The following ATL2 variants were observed in gnomAD, a reference collection of about 807,000 sequenced individuals.
The protein encoded by ATL2 is atlastin GTPase 2, also known as atlastin-2.
ATL2 carries 31 observed loss-of-function variants against 73.9 expected under a neutral mutation model. The ratio of observed to expected loss-of-function variants is 0.42; its 90% confidence interval spans 0.32 to 0.57. The LOEUF (loss-of-function observed/expected upper bound fraction) is 0.57. Ranked by LOEUF, ATL2 falls within the 20% of genes least tolerant of loss-of-function variation. The pLI is 0.14. For synonymous variants in ATL2, 291 were observed against 237.5 expected (o/e 1.23, Z -2.07); for missense variants, 738 against 702.6 (o/e 1.05, Z -0.57).
At chr2:38,363,392 T>C (rs1671123854) in intron 1 of ATL2, among the ~76,000 whole-genome samples, 1 of 150,668 alleles carries the variant, frequency 6.6e-6, no homozygotes, top group African/African-American at 2.4e-5. Context: ...TTATTTATCA[T>C]CTTTATAACA....
intron 7 of ATL2, among the ~76,000 whole-genome samples, chr2:38,310,978 TG>T (rs1389120337): frequency 2.6e-5 from 4 of 152,140 alleles, no homozygotes; most frequent in African/African-American, 9.7e-5. Flanking sequence ...GTAAGCTGCC[TG>T]GAACAGCAAA....
chr2:38,302,369 G>A (rs892863953), intron 9 of ATL2, among the ~76,000 whole-genome samples: 4 of 152,052 alleles, frequency 2.6e-5, no homozygotes, highest in East Asian at 1.9e-4. Context: ...CAAGGCAGGC[G>A]GATCACCAGA....
At chr2:38,310,841 G>A (rs1405287673) in intron 7 of ATL2, among the ~76,000 whole-genome samples, 10 of 151,926 alleles carry the variant, frequency 6.6e-5, no homozygotes, top group Non-Finnish European at 1.3e-4. Context: ...TGGTCAGGCT[G>A]ATCTTGAACT....
chr2:38,328,354 C>T (rs1668786320), intron 2 of ATL2, among the ~76,000 whole-genome samples: 1 of 152,172 alleles, frequency 6.6e-6, no homozygotes, highest in Admixed American at 6.5e-5. Context: ...TATATTTCAT[C>T]CAACAACAGC....
intron 1 of ATL2, among the ~76,000 whole-genome samples, chr2:38,374,459 A>C (rs1359049969): frequency 6.6e-6 from 1 of 152,236 alleles, no homozygotes. Flanking sequence ...AGAAAAGAAG[A>C]AAGCTGCTTC....
intron 1 of ATL2, among the ~76,000 whole-genome samples, chr2:38,363,799 C>T (rs1671147268): frequency 6.6e-6 from 1 of 152,162 alleles, no homozygotes; most frequent in South Asian, 2.1e-4. Flanking sequence ...AGTCTTTACT[C>T]TTAACGGTTC....
chr2:38,332,170 A>G (rs1046471164), intron 2 of ATL2, among the ~76,000 whole-genome samples: 3 of 152,154 alleles, frequency 2.0e-5, no homozygotes, highest in Non-Finnish European at 2.9e-5. Context: ...TGGGGGTAAC[A>G]GCCAAAGGGC....
rs149989903 is a variant in ATL2, at chr2:38,344,382, G to A, written c.119-870C>T. On this transcript the variant is annotated intron_variant, in intron 1 of 12. Transcript: ENST00000378954. ...CCCAACACTTTGGGAGGCCGAGGCA[G>A]GCAGATCACCTGAGGTCAGGAGTTC... is the stretch of plus-strand genomic sequence containing the variant. 2.0e-3 allele frequency among the ~76,000 whole-genome samples: 304 copies of A among 152,310 alleles called. 2 individuals are homozygous for A. Among genetic ancestry groups the A allele is most frequent in the African/African-American group, 7.1e-3 (295 of 41,576 alleles).
At chr2:38,310,682 G>A (rs553705190) in intron 7 of ATL2, among the ~76,000 whole-genome samples, 5 of 147,600 alleles carry the variant, frequency 3.4e-5, no homozygotes, top group African/African-American at 1.3e-4. Context: ...TTGTTGCCCA[G>A]GCTGGAGTGC....
chr2:38,370,166 A>G (rs1446534495), intron 1 of ATL2, among the ~76,000 whole-genome samples: 4 of 143,264 alleles, frequency 2.8e-5, no homozygotes, highest in Non-Finnish European at 5.9e-5. Flanking sequence ...AAAAAAAAAA[A>G]AAAAAGAAAG....
chr2:38,297,092 C>T (rs1313499860), intron 12 of ATL2, among the ~76,000 whole-genome samples: 1 of 152,154 alleles, frequency 6.6e-6, no homozygotes, highest in Non-Finnish European at 1.5e-5. Flanking sequence ...CAAACATAAA[C>T]TTCCCAATCG....
In ATL2 at chr2:38,310,461, G is replaced by A. The variant is rs751264585; in HGVS notation, c.805-14C>T. The A allele has an allele frequency of 2.5e-6, 4 of 1,577,988 alleles. No homozygotes were observed. Among genetic ancestry groups the A allele is most frequent in the Non-Finnish European group, 3.4e-6 (4 of 1,166,028 alleles). On this transcript the variant is annotated splice_polypyrimidine_tract_variant and intron_variant, in intron 7 of 12. Transcript: ENST00000378954. ...ATTTTGTTTTACCTGAGGGCGGAGA[G>A]AGACAGGTGAAATTGTAAACAGAAG... is the stretch of plus-strand genomic sequence containing the variant.
chr2:38,305,866 A>T (rs1332919730), intron 9 of ATL2, among the ~76,000 whole-genome samples: 3 of 152,148 alleles, frequency 2.0e-5, no homozygotes, highest in Non-Finnish European at 4.4e-5. Context: ...CATACATCTT[A>T]AAAAAACAGA....
intron 2 of ATL2, among the ~76,000 whole-genome samples, chr2:38,342,973 CAAA>C (rs56691245): frequency 2.3e-5 from 2 of 85,490 alleles, no homozygotes; most frequent in Admixed American, 1.3e-4. Context: ...CCCATAGCTA[CAAA>C]AAAAAAAAAA....
At chr2:38,329,374 G>A (rs543825762) in intron 2 of ATL2, among the ~76,000 whole-genome samples, 2 of 128,150 alleles carry the variant, frequency 1.6e-5, no homozygotes, top group Non-Finnish European at 3.1e-5. Flanking sequence ...GGTGCAGTGG[G>A]CCAAGATCAT....
At chr2:38,376,968 T>TGCGGGAGC (rs1672009168) in intron 1 of ATL2, among the ~76,000 whole-genome samples, 175 bp downstream of exon 1, 1 of 150,978 alleles carries the variant, frequency 6.6e-6, no homozygotes, top group African/African-American at 2.4e-5. Context: ...GGCCGCGCGC[T>TGCGGGAGC]GCGGGAGCGC....
chr2:38,299,326 G>A lies in ATL2; in HGVS notation c.1130C>T (p.Ala377Val), dbSNP rs1667066487. The A allele has an allele frequency of 6.6e-7, 1 of 1,511,862 alleles. No homozygotes were observed. The highest frequency in any genetic ancestry group is 8.7e-7 in the Non-Finnish European group (1 of 1,143,334). The allele number at this position is 1,511,862 out of a possible 1,614,324, so 93.7% of individuals were successfully genotyped here. ...AGCAAGATTATTAGCTTCAGCTGTT[G>A]CCTAAAAAATAAAATATGCCATTAT... ...ELPHPKSMLQ[A>V]TAEANNLAAV... Residue 377 changes from alanine (A) to valine (V), a missense_variant and splice_region_variant, in exon 11 of 13, where the codon GCA becomes GTA. Ala to Val is a moderately conservative substitution (Grantham distance 64, BLOSUM62 0). Transcript: ENST00000378954.
intron 4 of ATL2, 116 bp from the exon 5 acceptor site, chr2:38,315,450 T>C (rs1558400637): frequency 9.6e-7 from 1 of 1,036,820 alleles, no homozygotes; most frequent in Non-Finnish European, 1.3e-6. Context: ...AAAGGAATCA[T>C]TTAACTACTA....
intron 9 of ATL2, among the ~76,000 whole-genome samples, chr2:38,304,516 G>T (rs1328542729): frequency 6.6e-6 from 1 of 152,178 alleles, no homozygotes; most frequent in East Asian, 1.9e-4. Flanking sequence ...AATAATTGTG[G>T]TGTGTAAACA....
Sources: gnomAD v4.1 joint callset for allele counts (sites outside exome capture counted in the v4.1 genomes callset) on GRCh38, gnomAD v4.1.1 for gene constraint, MANE v1.5 for transcripts, NCBI Gene and HGNC (gene_info 2026-07-23, HGNC 2026-07-21) for gene names.